Variants in MACROD2 observed in about 807,000 individuals in gnomAD.
The protein encoded by MACROD2 is ADP-ribose glycohydrolase MACROD2.
Under a neutral mutation model 70.4 loss-of-function variants are expected in MACROD2, and 36 were observed. The ratio of observed to expected loss-of-function variants is 0.51; its 90% CI spans 0.39 to 0.68. The LOEUF is 0.68. Among genes scored for constraint, MACROD2 ranks in the 30% least tolerant of loss-of-function variants. MACROD2 has a pLI of 0.00. For missense variants in MACROD2, 496 were observed against 538.4 expected (o/e 0.92, Z 0.78); for synonymous variants, 172 against 178.8 (o/e 0.96, Z 0.30).
chr20:15,923,105 C>T (rs576159654), intron 10 of MACROD2, among the ~76,000 whole-genome samples: 10 of 152,210 alleles, frequency 6.6e-5, no homozygotes, highest in African/African-American at 2.2e-4. Flanking sequence ...AAAAATAAAT[C>T]GCAGCATACT....
At chr20:14,999,150 G>T (rs533811207) in intron 5 of MACROD2, among the ~76,000 whole-genome samples, 1 of 152,278 alleles carries the variant, frequency 6.6e-6, no homozygotes, top group African/African-American at 2.4e-5. Context: ...GAACTCTTCA[G>T]CCTGAGATAA....
intron 8 of MACROD2, among the ~76,000 whole-genome samples, chr20:15,613,617 G>A (rs1387344547): frequency 6.6e-6 from 1 of 152,062 alleles, no homozygotes; most frequent in Non-Finnish European, 1.5e-5. Flanking sequence ...AACCATGAAA[G>A]CTATTTATAA....
chr20:14,706,616 C>G (rs1169526818), intron 5 of MACROD2, among the ~76,000 whole-genome samples: 1 of 152,032 alleles, frequency 6.6e-6, no homozygotes, highest in African/African-American at 2.4e-5. Context: ...AATACTTCCC[C>G]AAAAGCTGAT....
chr20:14,447,976 A>ATTGTGTGTG (rs1555792186), intron 3 of MACROD2, among the ~76,000 whole-genome samples: 1 of 143,132 alleles, frequency 7.0e-6, no homozygotes, highest in Non-Finnish European at 1.5e-5. Context: ...ACCCATGAAA[A>ATTGTGTGTG]TGTGTGTGTG....
intron 5 of MACROD2, among the ~76,000 whole-genome samples, chr20:14,923,806 GC>G (rs1444833011): frequency 8.9e-5 from 11 of 122,980 alleles, no homozygotes; most frequent in South Asian, 2.9e-4. Context: ...GGGGGGGGCG[GC>G]GGGGCGGGGA....
At chr20:14,744,311 T>G (rs1460458830) in intron 5 of MACROD2, among the ~76,000 whole-genome samples, 1 of 152,174 alleles carries the variant, frequency 6.6e-6, no homozygotes, top group Non-Finnish European at 1.5e-5. Context: ...TAAAACCCAG[T>G]TTACTTTAAA....
intron 5 of MACROD2, among the ~76,000 whole-genome samples, chr20:14,762,470 A>G (rs981698138): frequency 6.6e-6 from 1 of 152,078 alleles, no homozygotes; most frequent in Non-Finnish European, 1.5e-5. Context: ...CAAAAATAAA[A>G]CCCACCTACC....
intron 5 of MACROD2, among the ~76,000 whole-genome samples, chr20:15,100,678 A>G (rs756433109): frequency 6.6e-6 from 1 of 152,168 alleles, no homozygotes; most frequent in Non-Finnish European, 1.5e-5. Context: ...GTAGTTGGAT[A>G]AGCATTAGAA....
chr20:14,134,589 G>C (rs1340827892), intron 3 of MACROD2, among the ~76,000 whole-genome samples: 4 of 152,184 alleles, frequency 2.6e-5, no homozygotes, highest in South Asian at 2.1e-4. Context: ...GACAAATCAT[G>C]AGTTCAGGAG....
chr20:15,085,071 A>G (rs752450509), intron 5 of MACROD2, among the ~76,000 whole-genome samples: 1 of 152,154 alleles, frequency 6.6e-6, no homozygotes, highest in Non-Finnish European at 1.5e-5. Flanking sequence ...AAATCAATAG[A>G]ATATAACTGA....
chr20:14,862,677 A>G (rs1476225325), intron 5 of MACROD2, among the ~76,000 whole-genome samples: 1 of 73,736 alleles, frequency 1.4e-5, no homozygotes, highest in Non-Finnish European at 2.5e-5. Context: ...AAATATATAT[A>G]AATATATATA....
At chr20:15,372,613 G>T (rs1300663590) in intron 6 of MACROD2, among the ~76,000 whole-genome samples, 1 of 152,082 alleles carries the variant, frequency 6.6e-6, no homozygotes, top group South Asian at 2.1e-4. Context: ...ATAATTATGT[G>T]TTGCCAAAAT....
At position 15,141,287 on chromosome 20, in the gene MACROD2, C is replaced by A. The variant is rs67958116; in HGVS notation, c.419-88653C>A. 1.0e-4 allele frequency among the ~76,000 whole-genome samples: 14 copies of A among 134,208 alleles called. 1 individual carries two copies. The highest frequency in any genetic ancestry group is 9.5e-4 in the South Asian group (4 of 4,206). 88.0% of individuals were successfully genotyped at this position (134,208 alleles called of 152,430 possible). ...TTACATGCATTCAGGCACTAGCATA[C>A]ATACATATAGATATACACGTGTTTG... On this transcript the variant is annotated intron_variant, in intron 5 of 17. Transcript: ENST00000684519.
intron 8 of MACROD2, among the ~76,000 whole-genome samples, chr20:15,796,585 C>G (rs2063676019): frequency 6.6e-6 from 1 of 152,226 alleles, no homozygotes; most frequent in African/African-American, 2.4e-5. Flanking sequence ...ACAGTCACCT[C>G]TCTTAATGGA....
chr20:14,234,868 A>G (rs1438877830), intron 3 of MACROD2, among the ~76,000 whole-genome samples: 1 of 152,082 alleles, frequency 6.6e-6, no homozygotes, highest in Non-Finnish European at 1.5e-5. Flanking sequence ...TTGCTTCACT[A>G]TTTGCTCATT....
intron 3 of MACROD2, among the ~76,000 whole-genome samples, chr20:14,245,772 A>G (rs995986733): frequency 2.0e-5 from 3 of 152,120 alleles, no homozygotes; most frequent in African/African-American, 7.2e-5. Context: ...TCCCATTGCC[A>G]TCACCTCTAC....
At chr20:14,684,767 C>G (rs570240142) in intron 4 of MACROD2, 76 bp from the exon 5 acceptor site, 1 of 1,189,190 alleles carries the variant, frequency 8.4e-7, no homozygotes, top group African/African-American at 1.5e-5. Flanking sequence ...ATTGAGTTCT[C>G]TTCCTCTTCC....
chr20:14,977,156 G>GA (rs1445510879), intron 5 of MACROD2, among the ~76,000 whole-genome samples: 2 of 151,972 alleles, frequency 1.3e-5, no homozygotes, highest in African/African-American at 2.4e-5. Context: ...TTATTGTCAG[G>GA]AAAAAATCTG....
intron 3 of MACROD2, among the ~76,000 whole-genome samples, chr20:14,199,642 T>G (rs1378572866): frequency 6.6e-6 from 1 of 152,214 alleles, no homozygotes; most frequent in African/African-American, 2.4e-5. Context: ...TACCATGTTA[T>G]AGTATTTTTC....
Sources: allele counts gnomAD v4.1 joint callset (sites outside exome capture counted in the v4.1 genomes callset), GRCh38; gene constraint gnomAD v4.1.1; transcripts MANE v1.5; gene names NCBI Gene and HGNC (gene_info 2026-07-23, HGNC 2026-07-21).